Variants in CNTNAP2 observed in about 807,000 individuals in gnomAD.
CNTNAP2 encodes the protein contactin-associated protein-like 2.
In CNTNAP2, 98 loss-of-function variants were observed where a neutral mutation model predicts 155.2. The observed-to-expected ratio is 0.63, with a 90% CI of 0.54 to 0.75. The LOEUF is 0.75. Among genes scored for constraint, CNTNAP2 ranks in the 30% least tolerant of loss-of-function variants. The pLI, the probability that CNTNAP2 is intolerant of heterozygous loss-of-function variation, is 0.00. For synonymous variants in CNTNAP2, 651 were observed against 631.2 expected, an observed-to-expected ratio of 1.03 and a Z score of -0.47; for missense variants, 1,727 against 1,688.1, an observed-to-expected ratio of 1.02 and a Z score of -0.40.
At chr7:148,307,772 A>G (rs1429945642) in intron 21 of CNTNAP2, among the ~76,000 whole-genome samples, 2 of 152,170 alleles carry the variant, frequency 1.3e-5, no homozygotes, top group East Asian at 3.8e-4. Context: ...GTTTGAGATC[A>G]GCCTGGGCAA....
At chr7:147,569,617 A>G (rs956251381) in intron 12 of CNTNAP2, among the ~76,000 whole-genome samples, 4 of 152,228 alleles carry the variant, frequency 2.6e-5, no homozygotes, top group Non-Finnish European at 5.9e-5. Context: ...GCTTTACCGT[A>G]CAGCCCAGGT....
At chr7:147,689,535 C>T (rs1160457706) in intron 13 of CNTNAP2, among the ~76,000 whole-genome samples, 1 of 152,154 alleles carries the variant, frequency 6.6e-6, no homozygotes, top group African/African-American at 2.4e-5. Context: ...ACACATTTGT[C>T]CGATTTCTTT....
At chr7:146,912,824 T>A (rs1439805558) in intron 3 of CNTNAP2, among the ~76,000 whole-genome samples, 2 of 152,190 alleles carry the variant, frequency 1.3e-5, no homozygotes, top group Non-Finnish European at 2.9e-5. Flanking sequence ...ACTGTGCTAA[T>A]GACTTTTCTT....
At chr7:146,803,579 G>C (rs192806940) in intron 2 of CNTNAP2, among the ~76,000 whole-genome samples, 15 of 152,274 alleles carry the variant, frequency 9.9e-5, no homozygotes, top group Non-Finnish European at 1.9e-4. Flanking sequence ...CAGGTAACCA[G>C]AAGCGATCTG....
chr7:147,835,289 C>T (rs1486237532), intron 13 of CNTNAP2, among the ~76,000 whole-genome samples: 1 of 152,156 alleles, frequency 6.6e-6, no homozygotes, highest in Non-Finnish European at 1.5e-5. Context: ...AGCCATGAAT[C>T]GAGTGATGAA....
chr7:146,492,994 C>A (rs1206654277), intron 1 of CNTNAP2, among the ~76,000 whole-genome samples: 1 of 152,076 alleles, frequency 6.6e-6, no homozygotes, highest in Non-Finnish European at 1.5e-5. Flanking sequence ...GTAATGAATA[C>A]TTGAGTAATC....
intron 1 of CNTNAP2, among the ~76,000 whole-genome samples, chr7:146,207,909 T>A (rs1342608448): frequency 7.2e-5 from 11 of 151,952 alleles, no homozygotes; most frequent in Admixed American, 3.9e-4. Context: ...GTTAGAAAAA[T>A]ATTTTTTAAA....
At chr7:146,495,594 T>C (rs1797203302) in intron 1 of CNTNAP2, among the ~76,000 whole-genome samples, 1 of 149,572 alleles carries the variant, frequency 6.7e-6, no homozygotes, top group Non-Finnish European at 1.5e-5. Context: ...AGCACTACAG[T>C]ATAAGCATTA....
At chr7:148,089,033 A>T (rs1196525174) in intron 15 of CNTNAP2, among the ~76,000 whole-genome samples, 1 of 152,040 alleles carries the variant, frequency 6.6e-6, no homozygotes, top group Non-Finnish European at 1.5e-5. Flanking sequence ...GCACCACATT[A>T]GCAGAATGAA....
intron 3 of CNTNAP2, among the ~76,000 whole-genome samples, chr7:147,000,130 C>T (rs890717257): frequency 3.3e-5 from 5 of 151,788 alleles, no homozygotes; most frequent in African/African-American, 1.2e-4. Context: ...AATCCTCTTC[C>T]ACTTACGAAG....
At chr7:147,996,022 C>A (rs1433049491) in intron 15 of CNTNAP2, among the ~76,000 whole-genome samples, 1 of 152,150 alleles carries the variant, frequency 6.6e-6, no homozygotes, top group Admixed American at 6.5e-5. Flanking sequence ...AGGTGCCAGG[C>A]CCTTCTGAGG....
intron 15 of CNTNAP2, among the ~76,000 whole-genome samples, chr7:148,034,065 G>A (rs1457195220): frequency 6.6e-6 from 1 of 152,182 alleles, no homozygotes; most frequent in Non-Finnish European, 1.5e-5. Flanking sequence ...TGTTAAGTGA[G>A]CAATGCTGAC....
chr7:146,407,571 A>G lies in CNTNAP2; in HGVS notation c.97+290598A>G, dbSNP rs529335637. Reference sequence around the variant, plus strand: ...TTGATTGAGGAGAGAACTGTAGAGAAAACCAACATAGACAACCTCTTCCAG... The same window carrying G: ...TTGATTGAGGAGAGAACTGTAGAGAGAACCAACATAGACAACCTCTTCCAG... On this transcript the variant is annotated intron_variant, in intron 1 of 23. Coordinates refer to ENST00000361727, the MANE Select transcript of CNTNAP2 (RefSeq NM_014141.6). Among the ~76,000 whole-genome samples, 9 of 152,322 alleles carry G rather than the reference A, an allele frequency of 5.9e-5. No individual in the cohort carries two copies. In the East Asian group the frequency reaches 1.7e-3, roughly 29 times the overall value.
intron 1 of CNTNAP2, among the ~76,000 whole-genome samples, chr7:146,592,728 G>A (rs1311069512): frequency 6.6e-6 from 1 of 152,064 alleles, no homozygotes; most frequent in Non-Finnish European, 1.5e-5. Flanking sequence ...TCCATATATT[G>A]TACCAGACAC....
At chr7:147,397,622 G>A (rs1796841135) in intron 10 of CNTNAP2, among the ~76,000 whole-genome samples, 1 of 151,938 alleles carries the variant, frequency 6.6e-6, no homozygotes, top group South Asian at 2.1e-4. Flanking sequence ...GATAGAGACA[G>A]GAGTTAAATT....
intron 8 of CNTNAP2, among the ~76,000 whole-genome samples, chr7:147,190,776 A>G (rs17170356): frequency 0.047 from 7,176 of 152,316 alleles, 240 homozygotes; most frequent in South Asian, 0.15. Flanking sequence ...ATGAAGCATT[A>G]AACTATGTCA....
chr7:147,741,578 T>C (rs994945925), intron 13 of CNTNAP2, among the ~76,000 whole-genome samples: 5 of 152,184 alleles, frequency 3.3e-5, no homozygotes, highest in Non-Finnish European at 7.4e-5. Context: ...TGACTCATGG[T>C]TTATACATAC....
intron 9 of CNTNAP2, among the ~76,000 whole-genome samples, chr7:147,361,100 C>A (rs2116895801): frequency 6.6e-6 from 1 of 152,094 alleles, no homozygotes; most frequent in African/African-American, 2.4e-5. Flanking sequence ...AAGAAAAAAA[C>A]CTAAAATATA....
chr7:147,457,918 G>A (rs1046610978), intron 10 of CNTNAP2, among the ~76,000 whole-genome samples: 13 of 151,954 alleles, frequency 8.6e-5, no homozygotes, highest in African/African-American at 2.9e-4. Flanking sequence ...ATTAGTTTTG[G>A]GTGGCCACAT....
Sources: gnomAD v4.1 joint callset for allele counts (sites outside exome capture counted in the v4.1 genomes callset) on GRCh38, gnomAD v4.1.1 for gene constraint, MANE v1.5 for transcripts, NCBI Gene and HGNC (gene_info 2026-07-23, HGNC 2026-07-21) for gene names.